The following AHNAK2 variants were observed in gnomAD, a reference collection of about 807,000 sequenced individuals.
AHNAK2 encodes the protein AHNAK nucleoprotein 2, also known as protein AHNAK2.
In AHNAK2, 18 loss-of-function variants were observed where a neutral mutation model predicts 30.7. The ratio of observed to expected loss-of-function variants is 0.59; its 90% confidence interval spans 0.41 to 0.87. AHNAK2 has a LOEUF of 0.87. AHNAK2 is among the 40% of genes least tolerant of loss of function. AHNAK2 has a pLI of 0.00. For synonymous variants in AHNAK2, 3,590 were observed against 3,073.8 expected, an observed-to-expected ratio of 1.17 and a Z score of -5.56; for missense variants, 8,604 against 7,373.0, an observed-to-expected ratio of 1.17 and a Z score of -6.11.
chr14:104,974,183 T>C (rs1364280911), intron 1 of AHNAK2, among the ~76,000 whole-genome samples: 2 of 152,224 alleles, frequency 1.3e-5, no homozygotes, highest in Non-Finnish European at 2.9e-5. Flanking sequence ...GCAGCGTGGC[T>C]GGGGATCCCG....
At position 104,941,440 on chromosome 14, in the gene AHNAK2, C is replaced by G; in HGVS notation, c.14011G>C (p.Val4671Leu). 6.2e-7 allele frequency: 1 copy of G among 1,612,744 alleles called. No individual in the cohort carries two copies. Among genetic ancestry groups the G allele is most frequent in the Non-Finnish European group, 8.5e-7 (1 of 1,179,412 alleles). Residue 4671 changes from valine (V) to leucine (L), a missense_variant, in exon 7 of 7, where the codon GTT becomes CTT. By Grantham distance (32) the Val-to-Leu change is conservative. Transcript: ENST00000333244. ...KTSTFPIVES[V>L]VHEGDLHDPS... ...TCATGAAGATCACCTTCATGAACAA[C>G]AGATTCCACAATGGGAAATGTGGAA... is the stretch of plus-strand genomic sequence containing the variant.
At position 104,954,443 on chromosome 14, in the gene AHNAK2, A is replaced by AG; in HGVS notation, c.1007dup (p.Ser337PhefsTer28). On this transcript the variant is annotated frameshift_variant, in exon 7 of 7. Transcript: ENST00000333244. LOFTEE classifies it low-confidence loss of function (END_TRUNC). This position sits in a 1 kb window ranked among gnomAD's most constrained non-coding sequence, Gnocchi z 4.3. ...CCCTGCCTGGCTGTCCTGTCGATGAAGGGCCCTGTCCCGAGCCTGTCCTGA... is the reference window on the plus strand; with the variant it reads ...CCCTGCCTGGCTGTCCTGTCGATGAAGGGGCCCTGTCCCGAGCCTGTCCTGA... 1 of 1,612,482 alleles carries AG rather than the reference A, an allele frequency of 6.2e-7. No individual in the cohort carries two copies. Among genetic ancestry groups the AG allele is most frequent in the Non-Finnish European group, 8.5e-7 (1 of 1,179,482 alleles).
rs769902506 is a variant in AHNAK2, at chr14:104,947,319, T to A, written c.8132A>T (p.Gln2711Leu). ...GCCCTCTGGGAGTTTCACATCCACC[T>A]GGCCAGCCTGGACCTCCAGTTGGGC... ...PSAQLEVQAG[Q>L]VDVKLPEGHV... Residue 2711 changes from glutamine to leucine, a missense_variant, in exon 7 of 7, where the codon CAG (glutamine) becomes CTG (leucine). Gln to Leu is a moderately radical substitution (Grantham distance 113, BLOSUM62 -2). Coordinates refer to ENST00000333244, the MANE Select transcript of AHNAK2 (RefSeq NM_138420.4). 57 of 1,612,050 alleles carry A rather than the reference T, an allele frequency of 3.5e-5. No homozygotes were observed. Among genetic ancestry groups the A allele is most frequent in the Non-Finnish European group, 4.7e-5 (55 of 1,179,460 alleles).
chr14:104,949,374 G>T lies in AHNAK2; in HGVS notation c.6077C>A (p.Ser2026Tyr). Residue 2026 changes from serine to tyrosine, a missense_variant, in exon 7 of 7, where the codon TCC becomes TAC. Ser to Tyr is a moderately radical substitution (Grantham distance 144). Transcript: ENST00000333244. ...AGTGGTCTTCAGGTCCCCCTGCATG[G>T]AGGGGAGACTCACGTCGGCCTCCAC... is the stretch of plus-strand genomic sequence containing the variant. ...PKVEADVSLPSMQGDLKTTDL... is the reference protein window; with the variant it reads ...PKVEADVSLPYMQGDLKTTDL... 1 of 1,578,748 alleles carries T rather than the reference G, an allele frequency of 6.3e-7. No homozygotes were observed. Among genetic ancestry groups the T allele is most frequent in the South Asian group, 1.1e-5 (1 of 89,468 alleles).
chr14:104,955,203 G>T, intron 5 of AHNAK2, 62 bp from the exon 6 acceptor site: 1 of 1,529,474 alleles, frequency 6.5e-7, no homozygotes, highest in South Asian at 1.2e-5. Flanking sequence ...CTGCTGTCTT[G>T]CCTTGGCTGG....
rs376092979 is a variant in AHNAK2, at chr14:104,945,065, A to G, written c.10386T>C (p.Ala3462=). 246 of 1,610,766 alleles carry G rather than the reference A, an allele frequency of 1.5e-4. 6 individuals carry two copies. The African/African-American group carries it at 2.0e-3, about 13-fold the overall frequency. ...TGTCTTTGGCAGTCACATCCTTTTC[A>G]GCCAGGGACAGGTCCCCCTCCAGCC... is the stretch of plus-strand genomic sequence containing the variant. The part of the protein sequence containing the change: ...GARLEGDLSL[A]EKDVTAKDSK... Residue 3462 remains alanine (A), a synonymous_variant, in exon 7 of 7, where the codon GCT becomes GCC. Transcript: ENST00000333244.
rs201298192 is a variant in AHNAK2 at position 104,938,233 on chromosome 14, A to G, written c.17218T>C (p.Phe5740Leu). 3.1e-6 allele frequency: 5 copies of G among 1,613,844 alleles called. No homozygotes were observed. The African/African-American group carries it at 6.7e-5, about 22-fold the overall frequency. ...CCCTCTTCCTTCTCTTCAGGGGAGAAACTTTCTCGGGCATCAAAAAACGTG... is the reference window on the plus strand; with the variant it reads ...CCCTCTTCCTTCTCTTCAGGGGAGAGACTTTCTCGGGCATCAAAAAACGTG... ...TITFFDARES[F>L]SPEEKEEGEL... Residue 5740 changes from phenylalanine (F) to leucine (L), a missense_variant, in exon 7 of 7, where the codon TTC becomes CTC. By Grantham distance (22) the Phe-to-Leu change is conservative. Coordinates refer to ENST00000333244, the MANE Select transcript of AHNAK2 (RefSeq NM_138420.4).
rs201902848 is a variant in AHNAK2 at position 104,946,300 on chromosome 14, C to T, written c.9151G>A (p.Val3051Ile). The change falls in exon 7 of 7, where the codon GTT (valine) becomes ATT (isoleucine). Residue 3051 changes from valine to isoleucine, a missense_variant. Val to Ile is a conservative substitution (Grantham distance 29, BLOSUM62 3). Transcript: ENST00000333244. ...QVDLKLPEGH[V>I]PEGAGLKGHL... The stretch of plus-strand genomic sequence containing the variant: ...CCTTTGAGGCCAGCTCCCTCGGGAA[C>T]GTGGCCCTCTGGGAGCTTCAGGTCC... The T allele has an allele frequency of 2.4e-4, 379 of 1,612,024 alleles. 6 individuals are homozygous for T. The African/African-American group carries it at 4.6e-3, about 19-fold the overall frequency.
At chr14:104,977,818 C>A (rs1566928697) in intron 1 of AHNAK2, among the ~76,000 whole-genome samples, 1 of 152,184 alleles carries the variant, frequency 6.6e-6, no homozygotes, top group Non-Finnish European at 1.5e-5. Flanking sequence ...GGCCGCCTCT[C>A]GACCAGACAG....
chr14:104,951,674 C>G lies in AHNAK2; in HGVS notation c.3777G>C (p.Val1259=), dbSNP rs1293938506. The G allele has an allele frequency of 8.0e-7, 1 of 1,246,684 alleles. No individual in the cohort carries two copies. The highest frequency in any genetic ancestry group is 1.9e-5 in the Admixed American group (1 of 53,644). The allele number at this position is 1,246,684 out of a possible 1,614,324, so 77.2% of individuals were successfully genotyped here. The stretch of plus-strand genomic sequence containing the variant: ...CTTCCACCTGGGGGCCCTTGAGGTC[C>G]ACTTTGGGCATCTTCAAACTAGGCA... The part of the protein sequence containing the change: ...VQMPSLKMPK[V]DLKGPQVEVR... The change falls in exon 7 of 7, where the codon GTG becomes GTC. Residue 1259 remains valine (V), a synonymous_variant. Coordinates refer to ENST00000333244, the MANE Select transcript of AHNAK2 (RefSeq NM_138420.4).
rs765115796 is a variant in AHNAK2 at position 104,947,860 on chromosome 14, G to C, written c.7591C>G (p.Leu2531Val). 1 of 1,611,450 alleles carries C rather than the reference G, an allele frequency of 6.2e-7. No individual in the cohort carries two copies. The highest frequency in any genetic ancestry group is 1.4e-5 in the African/African-American group (1 of 74,062). ...TCAGCGGAAGGGGGCTGAATGCTGA[G>C]GTCAGTGGCCTTGAGGTCCCCCTGC... is the stretch of plus-strand genomic sequence containing the variant. ...SMQGDLKATD[L>V]SIQPPSADLE... The change falls in exon 7 of 7, where the codon CTC becomes GTC. Residue 2531 changes from leucine to valine, a missense_variant. Physicochemically the swap from Leu to Val is conservative, Grantham distance 32. Transcript: ENST00000333244.
At chr14:104,975,889 C>T (rs1331767526) in intron 1 of AHNAK2, among the ~76,000 whole-genome samples, 2 of 152,190 alleles carry the variant, frequency 1.3e-5, no homozygotes, top group African/African-American at 4.8e-5. Flanking sequence ...AGGGCACCAG[C>T]GAGGCACAGA....
rs756803961 is a variant in AHNAK2 at position 104,947,761 on chromosome 14, C to G, written c.7690G>C (p.Gly2564Arg). The change falls in exon 7 of 7, where the codon GGG (glycine) becomes CGG (arginine). Residue 2564 changes from glycine to arginine, a missense_variant. By Grantham distance (125) the Gly-to-Arg change is moderately radical. Coordinates refer to ENST00000333244, the MANE Select transcript of AHNAK2 (RefSeq NM_138420.4). ...GPVPEGAGLK[G>R]HLPKVQMPSF... ...GGCATCTGCACCTTGGGCAGGTGCC[C>G]TTTGAGGCCGGCTCCCTCCGGCACA... The G allele has an allele frequency of 7.4e-6, 12 of 1,612,668 alleles. No individual in the cohort carries two copies. The South Asian group carries it at 1.3e-4, about 18-fold the overall frequency.
rs1454719707 is a variant in AHNAK2 at position 104,941,465 on chromosome 14, A to T, written c.13986T>A (p.Thr4662=). 1 of 1,612,674 alleles carries T rather than the reference A, an allele frequency of 6.2e-7. No individual in the cohort carries two copies. The highest frequency in any genetic ancestry group is 8.5e-7 in the Non-Finnish European group (1 of 1,179,460). ...CAGATTCCACAATGGGAAATGTGGA[A>T]GTCTTCTCATGGAATGTAACATTTC... The part of the protein sequence containing the change: ...IEGNVTFHEK[T]STFPIVESVV... The change falls in exon 7 of 7, where the codon ACT becomes ACA. Residue 4662 remains threonine, a synonymous_variant. Coordinates refer to ENST00000333244, the MANE Select transcript of AHNAK2 (RefSeq NM_138420.4).
chr14:104,956,381 G>C (rs1263047048), intron 4 of AHNAK2, among the ~76,000 whole-genome samples: 2 of 152,100 alleles, frequency 1.3e-5, no homozygotes, highest in Non-Finnish European at 2.9e-5. Flanking sequence ...GGGAGGGGTG[G>C]AGAGGGCCAG....
Position 104,950,676 on chromosome 14 carries a change from T to C in AHNAK2, c.4775A>G (p.Lys1592Arg). The stretch of plus-strand genomic sequence containing the variant: ...GCCCTTAACATCTATCTGGGGCCCC[T>C]TGAGGTCCACTTTGGGCATCTTGAA... ...PSFKMPKVDL[K>R]GPQIDVKGPK... Residue 1592 changes from lysine (K) to arginine (R), a missense_variant, in exon 7 of 7, where the codon AAG becomes AGG. Transcript: ENST00000333244. 2 of 1,587,758 alleles carry C rather than the reference T, an allele frequency of 1.3e-6. No individual in the cohort carries two copies. Among genetic ancestry groups the C allele is most frequent in the Non-Finnish European group, 1.7e-6 (2 of 1,162,878 alleles).
chr14:104,971,989 C>G (rs1161676092), intron 1 of AHNAK2, among the ~76,000 whole-genome samples: 1 of 152,240 alleles, frequency 6.6e-6, no homozygotes, highest in Non-Finnish European at 1.5e-5. Context: ...TGGGAAGGTG[C>G]AGCTGAGAGG....
chr14:104,944,089 C>A lies in AHNAK2; in HGVS notation c.11362G>T (p.Asp3788Tyr), dbSNP rs1242593428. The A allele has an allele frequency of 2.5e-6, 4 of 1,613,300 alleles. No individual in the cohort carries two copies. The highest frequency in any genetic ancestry group is 1.7e-5 in the Admixed American group (1 of 59,964). Residue 3788 changes from aspartate to tyrosine, a missense_variant, in exon 7 of 7, where the codon GAC becomes TAC. Coordinates refer to ENST00000333244, the MANE Select transcript of AHNAK2 (RefSeq NM_138420.4). ...ACATCCTTGTCGGCCAGGGACAGGT[C>A]CCCCTCCAGCTGTGCACTATCCAGT... ...AKLDSAQLEG[D>Y]LSLADKDVTA...
rs750192298 is a variant in AHNAK2 at position 104,942,884 on chromosome 14, G to C, written c.12567C>G (p.Asp4189Glu). 1 of 1,611,752 alleles carries C rather than the reference G, an allele frequency of 6.2e-7. No individual in the cohort carries two copies. The highest frequency in any genetic ancestry group is 8.5e-7 in the Non-Finnish European group (1 of 1,179,182). ...TDLSIQSPSA[D>E]LEVQAGQVDV... ...CCACTTGGCCAGCCTGGACCTCCAGGTCGGCGGAAGGGGACTGAATGCTGA... is the reference window on the plus strand; with the variant it reads ...CCACTTGGCCAGCCTGGACCTCCAGCTCGGCGGAAGGGGACTGAATGCTGA... The change falls in exon 7 of 7, where the codon GAC becomes GAG. Residue 4189 changes from aspartate (D) to glutamate (E), a missense_variant. Asp to Glu is a conservative substitution (Grantham distance 45, BLOSUM62 2). Coordinates refer to ENST00000333244, the MANE Select transcript of AHNAK2 (RefSeq NM_138420.4).
Sources: gnomAD v4.1 joint callset for allele counts (sites outside exome capture counted in the v4.1 genomes callset) on GRCh38, gnomAD v4.1.1 for gene constraint, Gnocchi (gnomAD v3.1) non-coding constraint, MANE v1.5 for transcripts, NCBI Gene and HGNC (gene_info 2026-07-23, HGNC 2026-07-21) for gene names.